ZNF385D: variants seen among roughly 807,000 people sequenced by gnomAD.
The protein encoded by ZNF385D is zinc finger protein 659.
In ZNF385D, 15 loss-of-function variants were observed where a neutral mutation model predicts 35.8. That is an observed-to-expected ratio of 0.42 (90% confidence interval 0.28 to 0.64). The LOEUF (loss-of-function observed/expected upper bound fraction) is 0.64, where lower values mean the gene tolerates loss of function less well. Ranked by LOEUF, ZNF385D falls within the 30% of genes least tolerant of loss-of-function variation. The pLI is 0.23. For synonymous variants in ZNF385D, 212 were observed against 186.8 expected (o/e 1.13, Z -1.10); for missense variants, 474 against 494.6 (o/e 0.96, Z 0.39).
intron 3 of ZNF385D, among the ~76,000 whole-genome samples, chr3:22,025,654 G>A (rs190208754): frequency 4.6e-5 from 7 of 152,216 alleles, no homozygotes; most frequent in African/African-American, 1.4e-4. Context: ...ATTAAAAGAT[G>A]GCCCACTGTG....
chr3:21,717,771 C>A (rs1017415513), intron 1 of ZNF385D, among the ~76,000 whole-genome samples: 1 of 152,158 alleles, frequency 6.6e-6, no homozygotes, highest in Admixed American at 6.5e-5. Context: ...CCCTGTAAAA[C>A]GTGCCTTTCA....
intron 3 of ZNF385D, among the ~76,000 whole-genome samples, chr3:22,154,810 T>C (rs1705483887): frequency 6.6e-6 from 1 of 152,162 alleles, no homozygotes; most frequent in Non-Finnish European, 1.5e-5. Flanking sequence ...CTTTATTCTG[T>C]TTTAAATTTT....
Position 22,123,948 on chromosome 3 carries a change from CTCTCTCTCTCTCTCTATATATATA to C in ZNF385D, c.325+44845_325+44868del, listed in dbSNP as rs1470836018. On this transcript the variant is annotated intron_variant, in intron 3 of 5. Transcript: ENST00000494108. ...TCTCTCTCTCTCTCTCTCTCTCTCT[CTCTCTCTCTCTCTCTATATATATA>C]TATATATATATATATATTGCTGACT... 3.9e-5 allele frequency among the ~76,000 whole-genome samples: 4 copies of C among 102,114 alleles called. No individual in the cohort carries two copies. In the East Asian group the frequency reaches 9.2e-4, roughly 23 times the overall value. 67.0% of individuals were successfully genotyped at this position (102,114 alleles called of 152,430 possible).
At chr3:21,618,837 G>C (rs904889541) in intron 2 of ZNF385D, among the ~76,000 whole-genome samples, 1 of 152,096 alleles carries the variant, frequency 6.6e-6, no homozygotes, top group African/African-American at 2.4e-5. Context: ...ATCACTTCTA[G>C]TCTACCTTAA....
chr3:21,506,218 G>A (rs1706765968), intron 4 of ZNF385D, among the ~76,000 whole-genome samples: 1 of 151,248 alleles, frequency 6.6e-6, no homozygotes, highest in Admixed American at 6.7e-5. Flanking sequence ...TTACGTGTCA[G>A]TCCACTAAAA....
At chr3:21,971,008 G>C (rs1187811356) in intron 3 of ZNF385D, among the ~76,000 whole-genome samples, 2 of 151,928 alleles carry the variant, frequency 1.3e-5, no homozygotes, top group African/African-American at 4.8e-5. Context: ...TAGTTTTCCA[G>C]ACAATCAAAA....
chr3:21,934,535 C>T (rs1452644241), intron 3 of ZNF385D, among the ~76,000 whole-genome samples: 1 of 152,162 alleles, frequency 6.6e-6, no homozygotes, highest in Non-Finnish European at 1.5e-5. Flanking sequence ...CAGATGACCT[C>T]TTCTAGCAAT....
At chr3:21,488,437 C>T (rs1435410426) in intron 4 of ZNF385D, among the ~76,000 whole-genome samples, 2 of 151,982 alleles carry the variant, frequency 1.3e-5, no homozygotes, top group Non-Finnish European at 2.9e-5. Flanking sequence ...ATGTGACTTT[C>T]ATAATGCTAA....
At chr3:21,784,815 C>T (rs2125644417) in intron 3 of ZNF385D, among the ~76,000 whole-genome samples, 1 of 152,088 alleles carries the variant, frequency 6.6e-6, no homozygotes, top group African/African-American at 2.4e-5. Context: ...GATGTCTCTC[C>T]CTGCCTTAGG....
intron 3 of ZNF385D, among the ~76,000 whole-genome samples, chr3:22,114,122 T>C (rs1049529872): frequency 6.6e-6 from 1 of 152,094 alleles, no homozygotes; most frequent in African/African-American, 2.4e-5. Context: ...AAATTTACAG[T>C]AACTGGATGA....
chr3:22,195,029 T>C (rs1696315606), intron 2 of ZNF385D, among the ~76,000 whole-genome samples: 1 of 151,908 alleles, frequency 6.6e-6, no homozygotes, highest in Non-Finnish European at 1.5e-5. Flanking sequence ...TGCTTAACTT[T>C]ATAAGAAACT....
intron 2 of ZNF385D, among the ~76,000 whole-genome samples, chr3:22,235,480 C>A (rs770946875): frequency 2.0e-4 from 31 of 151,992 alleles, no homozygotes; most frequent in Non-Finnish European, 7.4e-5. Context: ...TTAGAATCTT[C>A]AGTGTGTCCA....
At chr3:21,525,066 C>T (rs1162143878) in intron 3 of ZNF385D, among the ~76,000 whole-genome samples, 1 of 152,046 alleles carries the variant, frequency 6.6e-6, no homozygotes, top group African/African-American at 2.4e-5. Flanking sequence ...AAAAAAGGGT[C>T]CATTCAGTAA....
At chr3:22,154,819 T>A (rs546364377) in intron 3 of ZNF385D, among the ~76,000 whole-genome samples, 1 of 152,174 alleles carries the variant, frequency 6.6e-6, no homozygotes, top group Non-Finnish European at 1.5e-5. Flanking sequence ...GTTTTAAATT[T>A]TAAAATCTTT....
At chr3:22,145,863 C>T (rs573913347) in intron 3 of ZNF385D, among the ~76,000 whole-genome samples, 9 of 152,278 alleles carry the variant, frequency 5.9e-5, no homozygotes, top group Admixed American at 1.3e-4. Context: ...TCCAAATCAA[C>T]ATGAGGGTTC....
chr3:21,997,582 G>C (rs974977639), intron 3 of ZNF385D, among the ~76,000 whole-genome samples: 1 of 151,734 alleles, frequency 6.6e-6, no homozygotes, highest in African/African-American at 2.4e-5. Flanking sequence ...ATAATATGGA[G>C]AGGAAGTAGA....
At chr3:21,809,444 T>C (rs2072805891) in intron 3 of ZNF385D, among the ~76,000 whole-genome samples, 1 of 151,912 alleles carries the variant, frequency 6.6e-6, no homozygotes, top group South Asian at 2.1e-4. Flanking sequence ...CAAAGATAAC[T>C]GTATCATAAA....
chr3:21,517,626 C>T (rs1168517764), intron 3 of ZNF385D, among the ~76,000 whole-genome samples: 1 of 152,164 alleles, frequency 6.6e-6, no homozygotes, highest in African/African-American at 2.4e-5. Flanking sequence ...CACCTCCAAT[C>T]AGAGTTAATA....
At chr3:21,954,027 T>C (rs983943358) in intron 3 of ZNF385D, among the ~76,000 whole-genome samples, 1 of 152,046 alleles carries the variant, frequency 6.6e-6, no homozygotes, top group South Asian at 2.1e-4. Context: ...CTCAAATTAC[T>C]TCTAATTGAA....
Sources: allele counts gnomAD v4.1 joint callset (sites outside exome capture counted in the v4.1 genomes callset), GRCh38; gene constraint gnomAD v4.1.1; transcripts MANE v1.5; gene names NCBI Gene and HGNC (gene_info 2026-07-23, HGNC 2026-07-21).